Variants in UBA5 observed in about 807,000 individuals in gnomAD.
UBA5 encodes the protein ubiquitin-like modifier-activating enzyme 5.
UBA5 carries 28 observed loss-of-function variants against 52.9 expected under a neutral mutation model. The observed-to-expected ratio is 0.53, with a 90% confidence interval of 0.39 to 0.73. The LOEUF (loss-of-function observed/expected upper bound fraction) is 0.73. Ranked by LOEUF, UBA5 falls within the 30% of genes least tolerant of loss-of-function variation. UBA5 has a pLI of 0.00. For missense variants in UBA5, 388 were observed against 492.7 expected (o/e 0.79, Z 2.01); for synonymous variants, 135 against 162.1 (o/e 0.83, Z 1.27).
chr3:132,665,877 AAC>A lies in UBA5; in HGVS notation c.207+10_207+11del. ...TTGTAAGCGACTATGAGGTATGATA[AAC>A]CCTTTCCAAGTTTTTGTAAGATTAA... On this transcript the variant is annotated intron_variant, in intron 2 of 11. Transcript: ENST00000356232. 6.2e-7 allele frequency: 1 copy of A among 1,613,410 alleles called. No homozygotes were observed. Among genetic ancestry groups the A allele is most frequent in the Non-Finnish European group, 8.5e-7 (1 of 1,179,460 alleles).
chr3:132,666,106 G>A (rs748250390), intron 3 of UBA5, 33 bp downstream of exon 3: 2 of 1,579,774 alleles, frequency 1.3e-6, no homozygotes, highest in Admixed American at 3.3e-5. Flanking sequence ...GTCATATAGG[G>A]AACTACTCAC....
chr3:132,660,298 G>GT (rs1158851301), upstream of UBA5: 1 of 595,930 alleles, frequency 1.7e-6, no homozygotes, highest in African/African-American at 1.9e-5. This position sits in a 1 kb window ranked among gnomAD's most constrained non-coding sequence, Gnocchi z 4.1. Context: ...AAAGAGCCAG[G>GT]TTTTTGATGA....
Position 132,676,520 on chromosome 3 carries a change from T to C in UBA5, c.1209T>C (p.Asn403=), listed in dbSNP as rs2107952740. ...AAGACCTCATGGCCAAAATGAAGAA[T>C]ATGTAGATAATGGACTGGGATATAT... ...SLEDLMAKMK[N]M The change falls in exon 12 of 12, where the codon AAT becomes AAC. Residue 403 remains asparagine, a synonymous_variant. Coordinates refer to ENST00000356232, the MANE Select transcript of UBA5 (RefSeq NM_024818.6). The surrounding 1 kb of genome is among the most constrained non-coding windows in gnomAD (Gnocchi z 4.1). The C allele has an allele frequency of 1.3e-6, 2 of 1,558,128 alleles. No individual in the cohort carries two copies. The highest frequency in any genetic ancestry group is 1.8e-6 in the Non-Finnish European group (2 of 1,132,054).
At chr3:132,660,013 C>G, upstream of UBA5, 1 of 428,940 alleles carries the variant, frequency 2.3e-6, no homozygotes, top group Non-Finnish European at 4.1e-6. This position sits in a 1 kb window ranked among gnomAD's most constrained non-coding sequence, Gnocchi z 4.1. Context: ...TTGGAGGCCT[C>G]AATTTTAAAG....
At chr3:132,673,006 A>G (rs578043467) in intron 8 of UBA5, among the ~76,000 whole-genome samples, 37 of 152,364 alleles carry the variant, frequency 2.4e-4, no homozygotes, top group African/African-American at 8.7e-4. Flanking sequence ...ACAAACTGCA[A>G]CAAGACACAA....
At chr3:132,655,614 C>G (rs1258104921), upstream of UBA5, among the ~76,000 whole-genome samples, 1 of 152,150 alleles carries the variant, frequency 6.6e-6, no homozygotes, top group African/African-American at 2.4e-5. Flanking sequence ...GCCGTGTGCT[C>G]GAGGAAATCT....
At chr3:132,664,711 CAG>C (rs1307183353) in intron 1 of UBA5, among the ~76,000 whole-genome samples, 1 of 151,992 alleles carries the variant, frequency 6.6e-6, no homozygotes, top group African/African-American at 2.4e-5. Context: ...ATACAGGAAA[CAG>C]TGGATTAATA....
intron 1 of UBA5, among the ~76,000 whole-genome samples, chr3:132,663,174 A>C (rs1938238884): frequency 6.6e-6 from 1 of 152,148 alleles, no homozygotes; most frequent in Admixed American, 6.5e-5. Context: ...GTTTATTGCA[A>C]GAATCCCCCA....
upstream of UBA5, among the ~76,000 whole-genome samples, chr3:132,655,429 G>A (rs1458587035): frequency 6.6e-6 from 1 of 152,012 alleles, no homozygotes; most frequent in East Asian, 1.9e-4. Context: ...TGCCTGACAG[G>A]GTCCCTGTTG....
chr3:132,670,326 C>A, intron 5 of UBA5, 42 bp downstream of exon 5: 1 of 794,842 alleles, frequency 1.3e-6, no homozygotes, highest in South Asian at 1.8e-5. Context: ...ATGTCCAGCT[C>A]AAGTATTAGA....
chr3:132,676,318 G>T lies in UBA5; in HGVS notation c.1132-125G>T, dbSNP rs143911240. The T allele has an allele frequency of 4.2e-4, 294 of 695,690 alleles. 1 individual carries two copies. The highest frequency in any genetic ancestry group is 4.0e-3 in the African/African-American group (214 of 53,264). 43.1% of individuals were successfully genotyped at this position (695,690 alleles called of 1,614,324 possible). On this transcript the variant is annotated intron_variant, in intron 11 of 11. Transcript: ENST00000356232. This position sits in a 1 kb window ranked among gnomAD's most constrained non-coding sequence, Gnocchi z 4.1. ...TCTTTCTTCTAAAAATTAGAAGATA[G>T]TTGTTAAAGAAAATTTACTTTATAA...
In UBA5 at chr3:132,660,364, T is replaced by C. The variant is rs963039072; in HGVS notation, c.-174T>C. On this transcript the variant is annotated 5_prime_UTR_variant, in exon 1 of 12. Transcript: ENST00000356232. The surrounding 1 kb of genome is among the most constrained non-coding windows in gnomAD (Gnocchi z 4.1). ...CGGCTCCGAGGAAGGCCTGTGGGAG[T>C]CTCGGAGACGTGTCTGTCTGTGAGG... is the stretch of plus-strand genomic sequence containing the variant. 1.3e-6 allele frequency: 1 copy of C among 759,724 alleles called. No individual in the cohort carries two copies. The highest frequency in any genetic ancestry group is 2.1e-6 in the Non-Finnish European group (1 of 486,216). 47.1% of individuals were successfully genotyped at this position (759,724 alleles called of 1,614,324 possible). A position where few individuals can be genotyped will look rare whatever the true frequency, so the allele number is the denominator to read the frequency against.
chr3:132,662,099 T>C (rs1938194713), intron 1 of UBA5, among the ~76,000 whole-genome samples: 1 of 152,238 alleles, frequency 6.6e-6, no homozygotes, highest in Non-Finnish European at 1.5e-5. Context: ...CATTATTTAA[T>C]ATGAGATGAT....
Position 132,676,345 on chromosome 3 carries a change from C to A in UBA5, c.1132-98C>A. 1 of 923,932 alleles carries A rather than the reference C, an allele frequency of 1.1e-6. No homozygotes were observed. The highest frequency in any genetic ancestry group is 1.6e-5 in the South Asian group (1 of 64,488). The allele number at this position is 923,932 out of a possible 1,614,324, so 57.2% of individuals were successfully genotyped here. A position where few individuals can be genotyped will look rare whatever the true frequency, so the allele number is the denominator to read the frequency against. Reference sequence around the variant, plus strand: ...TGTTAAAGAAAATTTACTTTATAACCTTGTTGAGCATGGTCAAAACTTGCT... The same window carrying A: ...TGTTAAAGAAAATTTACTTTATAACATTGTTGAGCATGGTCAAAACTTGCT... On this transcript the variant is annotated intron_variant, in intron 11 of 11. Transcript: ENST00000356232. The surrounding 1 kb of genome is among the most constrained non-coding windows in gnomAD (Gnocchi z 4.1).
At chr3:132,656,966 C>T (rs1257984183), upstream of UBA5, among the ~76,000 whole-genome samples, 1 of 151,600 alleles carries the variant, frequency 6.6e-6, no homozygotes, top group African/African-American at 2.4e-5. Context: ...AATATTTTAA[C>T]CATTATATGC....
In UBA5 at chr3:132,670,823, T is replaced by C. The variant is rs1472833951; in HGVS notation, c.495-142T>C. ...TACTCAATACTTGATATATATGATA[T>C]CTTTAATATTACATATTTATTATGT... On this transcript the variant is annotated intron_variant, in intron 5 of 11. Coordinates refer to ENST00000356232, the MANE Select transcript of UBA5 (RefSeq NM_024818.6). The C allele has an allele frequency of 6.0e-6, 3 of 496,276 alleles. No individual in the cohort carries two copies. The East Asian group carries it at 1.0e-4, about 17-fold the overall frequency. 30.7% of individuals were successfully genotyped at this position (496,276 alleles called of 1,614,324 possible).
chr3:132,670,132 C>A, intron 4 of UBA5, 66 bp from the exon 5 acceptor site: 1 of 790,764 alleles, frequency 1.3e-6, no homozygotes, highest in Non-Finnish European at 2.1e-6. Context: ...TCAAGTAATC[C>A]TCCCACCACA....
rs755453105 is a variant in UBA5 at position 132,672,077 on chromosome 3, A to G, written c.712A>G (p.Asn238Asp). Residue 238 changes from asparagine (N) to aspartate (D), a missense_variant, in exon 8 of 12, where the codon AAT becomes GAT. Coordinates refer to ENST00000356232, the MANE Select transcript of UBA5 (RefSeq NM_024818.6). ...TGCTCCACCACTTGTAGTTGCTGCAAATATTGATGAAAAGACTCTGAAACG... is the reference window on the plus strand; with the variant it reads ...TGCTCCACCACTTGTAGTTGCTGCAGATATTGATGAAAAGACTCTGAAACG... ...ACAPPLVVAA[N>D]IDEKTLKREG... 3.1e-6 allele frequency: 5 copies of G among 1,613,836 alleles called. No homozygotes were observed. The East Asian group carries it at 8.9e-5, about 29-fold the overall frequency.
Position 132,668,803 on chromosome 3 carries a change from C to A in UBA5, c.298-15C>A. 6.5e-7 allele frequency: 1 copy of A among 1,531,526 alleles called. No individual in the cohort carries two copies. Among genetic ancestry groups the A allele is most frequent in the Non-Finnish European group, 8.9e-7 (1 of 1,120,216 alleles). The allele number at this position is 1,531,526 out of a possible 1,614,324, so 94.9% of individuals were successfully genotyped here. A position where few individuals can be genotyped will look rare whatever the true frequency, so the allele number is the denominator to read the frequency against. ...TGGTATGTTTTTCATCAGAATACCA[C>A]TATTTTCATTTTAGTTGCTACTCTT... On this transcript the variant is annotated splice_polypyrimidine_tract_variant and intron_variant, in intron 3 of 11. Transcript: ENST00000356232.
Sources: allele counts gnomAD v4.1 joint callset (sites outside exome capture counted in the v4.1 genomes callset), GRCh38; gene constraint gnomAD v4.1.1; non-coding constraint Gnocchi (gnomAD v3.1); transcripts MANE v1.5; gene names NCBI Gene and HGNC (gene_info 2026-07-23, HGNC 2026-07-21).